CELF2: variants seen among roughly 807,000 people sequenced by gnomAD.
CELF2 encodes CUG triplet repeat RNA-binding protein 2.
CELF2 carries 8 observed loss-of-function variants against 62.6 expected under a neutral mutation model. The observed-to-expected ratio is 0.13, with a 90% CI of 0.07 to 0.23. CELF2 has a LOEUF of 0.23. Ranked by LOEUF, CELF2 falls within the 10% of genes least tolerant of loss-of-function variation. CELF2 has a pLI of 1.00. For synonymous variants in CELF2, 258 were observed against 250.0 expected, an observed-to-expected ratio of 1.03 and a Z score of -0.30; for missense variants, 333 against 671.0, an observed-to-expected ratio of 0.50 and a Z score of 5.56.
the CELF2 span, among the ~76,000 whole-genome samples, chr10:10,647,321 G>C: frequency 2.0e-5 from 3 of 152,046 alleles, no homozygotes; most frequent in Admixed American, 2.0e-4. Flanking sequence ...TGAACCCACT[G>C]CCCGCCCGCT....
the CELF2 span, among the ~76,000 whole-genome samples, chr10:10,726,738 T>C: frequency 6.6e-6 from 1 of 152,226 alleles, no homozygotes; most frequent in East Asian, 1.9e-4. Flanking sequence ...TCAAACAATT[T>C]AATCCTTTAG....
At chr10:10,881,047 T>TCTTCC (rs1474015907) in intron 1 of CELF2, among the ~76,000 whole-genome samples, 33 of 152,210 alleles carry the variant, frequency 2.2e-4, no homozygotes, top group African/African-American at 7.7e-4. Flanking sequence ...CTACAGTAAA[T>TCTTCC]AGATTCTTCC....
At chr10:11,312,983 T>C (rs1391292901) in intron 9 of CELF2, among the ~76,000 whole-genome samples, 1 of 152,068 alleles carries the variant, frequency 6.6e-6, no homozygotes, top group African/African-American at 2.4e-5. Flanking sequence ...GCAGAACAAA[T>C]AGGACAAAAT....
At chr10:11,143,420 C>T (rs895100798) in intron 1 of CELF2, among the ~76,000 whole-genome samples, 2 of 152,204 alleles carry the variant, frequency 1.3e-5, no homozygotes, top group Admixed American at 6.5e-5. Context: ...AGCTTAAGAT[C>T]GCCATATGTG....
intron 1 of CELF2, among the ~76,000 whole-genome samples, chr10:10,915,460 CAGT>C (rs1253020174): frequency 6.6e-6 from 1 of 152,162 alleles, no homozygotes; most frequent in Non-Finnish European, 1.5e-5. Context: ...GGCTGGAGAG[CAGT>C]AGAAGGATCA....
chr10:10,927,351 A>AC (rs1554884925), intron 2 of CELF2: 2 of 137,694 alleles, frequency 1.5e-5, no homozygotes, highest in South Asian at 4.6e-4. Flanking sequence ...GACATTAAAA[A>AC]AAAAAAAAAA....
intron 1 of CELF2, among the ~76,000 whole-genome samples, chr10:10,799,398 C>T (rs1480655557): frequency 3.9e-5 from 6 of 151,984 alleles, no homozygotes; most frequent in South Asian, 2.1e-4. Context: ...TCAGAAAAAT[C>T]GCTTAAACTT....
the CELF2 span, among the ~76,000 whole-genome samples, chr10:10,747,347 C>T: frequency 5.9e-5 from 9 of 152,184 alleles, no homozygotes; most frequent in East Asian, 5.8e-4. Flanking sequence ...GTAGGATGGC[C>T]TTTGCTTTCT....
At chr10:10,589,076 A>AT in the CELF2 span, among the ~76,000 whole-genome samples, 3 of 152,212 alleles carry the variant, frequency 2.0e-5, no homozygotes, top group African/African-American at 7.2e-5. Context: ...GGTTTTATAC[A>AT]TTTTAGGGAG....
At chr10:10,575,420 A>G in the CELF2 span, among the ~76,000 whole-genome samples, 2 of 152,222 alleles carry the variant, frequency 1.3e-5, no homozygotes, top group African/African-American at 4.8e-5. Context: ...TATGTTGGAC[A>G]TTTATTCTCC....
At chr10:10,820,997 G>A (rs1017015321) in intron 1 of CELF2, among the ~76,000 whole-genome samples, 10 of 152,222 alleles carry the variant, frequency 6.6e-5, no homozygotes, top group African/African-American at 1.9e-4. Flanking sequence ...CAAGAGCAAT[G>A]AGGCTAGAGA....
intron 2 of CELF2, among the ~76,000 whole-genome samples, chr10:11,170,373 G>T (rs1315188412): frequency 6.6e-6 from 1 of 152,194 alleles, no homozygotes; most frequent in African/African-American, 2.4e-5. Context: ...AGACTTAAAA[G>T]GAATGGAAAA....
At position 11,117,362 on chromosome 10, in the gene CELF2, A is replaced by G. The variant is rs753084208; in HGVS notation, c.75-48124A>G. Among the ~76,000 whole-genome samples the G allele has an allele frequency of 1.3e-5, 2 of 152,176 alleles. No homozygotes were observed. Among genetic ancestry groups the G allele is most frequent in the Non-Finnish European group, 2.9e-5 (2 of 68,006 alleles). ...CAATATAAATCCTGCTGATTTCACA[A>G]AAGTCAAAATGTTTTGCCCTGTAGA... On this transcript the variant is annotated intron_variant, in intron 1 of 12. Coordinates refer to ENST00000633077, the MANE Select transcript of CELF2 (RefSeq NM_001326342.2). The surrounding 1 kb of genome is among the most constrained non-coding windows in gnomAD (Gnocchi z 4.1).
chr10:10,582,659 G>T, the CELF2 span, among the ~76,000 whole-genome samples: 2 of 152,040 alleles, frequency 1.3e-5, no homozygotes, highest in Admixed American at 1.3e-4. Context: ...GCATTGTTGA[G>T]TACTCTTCAT....
chr10:11,240,391 G>A (rs1339853128), intron 3 of CELF2, among the ~76,000 whole-genome samples: 1 of 152,220 alleles, frequency 6.6e-6, no homozygotes, highest in African/African-American at 2.4e-5. Flanking sequence ...CAAAATGTAA[G>A]ATCAATTAAC....
At chr10:11,275,926 C>T (rs918625323) in intron 8 of CELF2, among the ~76,000 whole-genome samples, 3 of 152,224 alleles carry the variant, frequency 2.0e-5, no homozygotes, top group Non-Finnish European at 4.4e-5. Context: ...AGAGCCTTTT[C>T]CTTGTTTCAT....
At chr10:11,193,706 G>C (rs986421604) in intron 2 of CELF2, among the ~76,000 whole-genome samples, 1 of 152,182 alleles carries the variant, frequency 6.6e-6, no homozygotes, top group Non-Finnish European at 1.5e-5. Flanking sequence ...TTCGTAGTGA[G>C]AACATAATAA....
intron 2 of CELF2, among the ~76,000 whole-genome samples, chr10:10,962,432 T>C (rs1046320044): frequency 3.3e-5 from 5 of 151,788 alleles, no homozygotes; most frequent in Admixed American, 3.3e-4. Context: ...AACGAGAAAT[T>C]TCCTCTTCAG....
intron 2 of CELF2, among the ~76,000 whole-genome samples, chr10:11,204,752 G>A (rs925091028): frequency 6.6e-6 from 1 of 152,224 alleles, no homozygotes; most frequent in African/African-American, 2.4e-5. Context: ...ACACATGGTG[G>A]TCTGTGCCCC....
Sources: allele counts gnomAD v4.1 joint callset (sites outside exome capture counted in the v4.1 genomes callset), GRCh38; gene constraint gnomAD v4.1.1; non-coding constraint Gnocchi (gnomAD v3.1); transcripts MANE v1.5; gene names NCBI Gene and HGNC (gene_info 2026-07-23, HGNC 2026-07-21).